AOPEP: variants seen among roughly 807,000 people sequenced by gnomAD.
AOPEP encodes aminopeptidase O (putative), also known as aminopeptidase O.
Under a neutral mutation model 98.1 loss-of-function variants are expected in AOPEP, and 77 were observed. The observed-to-expected ratio is 0.78, with a 90% CI of 0.65 to 0.95. The LOEUF (loss-of-function observed/expected upper bound fraction) is 0.95. Ranked by LOEUF, AOPEP falls within the 40% of genes least tolerant of loss-of-function variation. The pLI is 0.00. For synonymous variants in AOPEP, 346 were observed against 365.3 expected (o/e 0.95, Z 0.60); for missense variants, 1,024 against 1,024.7 (o/e 1.00, Z 0.01).
chr9:94,951,809 T>C (rs2058116036), intron 7 of AOPEP, among the ~76,000 whole-genome samples: 1 of 152,190 alleles, frequency 6.6e-6, no homozygotes, highest in Admixed American at 6.5e-5. Flanking sequence ...TGCCTCATGG[T>C]TGCAAGATGG....
intron 9 of AOPEP, 34 bp from the exon 10 acceptor site, chr9:94,967,724 G>A (rs1268712796): frequency 6.3e-7 from 1 of 1,583,174 alleles, no homozygotes; most frequent in South Asian, 1.1e-5. Flanking sequence ...TTTATTGATG[G>A]ACATCTTTAA....
At chr9:95,010,188 A>G (rs1243636497) in intron 13 of AOPEP, among the ~76,000 whole-genome samples, 1 of 152,206 alleles carries the variant, frequency 6.6e-6, no homozygotes, top group Admixed American at 6.5e-5. Context: ...CAGTACTAAT[A>G]TTATTCAAAA....
intron 14 of AOPEP, among the ~76,000 whole-genome samples, chr9:95,077,375 G>A (rs902837589): frequency 6.6e-6 from 1 of 152,198 alleles, no homozygotes; most frequent in African/African-American, 2.4e-5. Flanking sequence ...ACAACTGCCC[G>A]GGTCCACAGG....
chr9:94,967,673 C>T lies in AOPEP; in HGVS notation c.1873-85C>T, dbSNP rs2059291175. 2.7e-6 allele frequency: 3 copies of T among 1,103,476 alleles called. No homozygotes were observed. The Admixed American group carries it at 5.2e-5, about 19-fold the overall frequency. 68.4% of individuals were successfully genotyped at this position (1,103,476 alleles called of 1,614,324 possible). A position where few individuals can be genotyped will look rare whatever the true frequency, so the allele number is the denominator to read the frequency against. On this transcript the variant is annotated intron_variant, in intron 9 of 16. Transcript: ENST00000375315. ...TCTCAAGCAGGTGAGCTGTCAGTAG[C>T]TGGGAGCACTCAGCCTCTGGCATGG...
rs373154974 is a variant in AOPEP, at chr9:94,759,792, A to G, written c.9A>G (p.Ile3Met). Residue 3 changes from isoleucine (I) to methionine (M), a missense_variant, in exon 2 of 17, where the codon ATA becomes ATG. Around this residue, in one of 3 missense-constraint regions of AOPEP, gnomAD observed 440 missense variants for 433.8 expected, o/e 1.01. Transcript: ENST00000375315. MD[I>M]QLDPARDDLP... ...AAACAATAAACCACATCATGGACAT[A>G]CAGCTGGACCCTGCCAGAGATGACC... 6 of 1,612,754 alleles carry G rather than the reference A, an allele frequency of 3.7e-6. No individual in the cohort carries two copies. In the African/African-American group the frequency reaches 8.0e-5, roughly 22 times the overall value.
chr9:94,800,652 G>A (rs55770541), intron 4 of AOPEP, 105 bp from the exon 5 acceptor site: 2 of 1,197,320 alleles, frequency 1.7e-6, no homozygotes, highest in Non-Finnish European at 2.4e-6. Flanking sequence ...TTGTGAGTCT[G>A]TCTGAACCTC....
chr9:95,017,523 G>T (rs141939145), intron 13 of AOPEP, among the ~76,000 whole-genome samples: 1 of 152,198 alleles, frequency 6.6e-6, no homozygotes, highest in Non-Finnish European at 1.5e-5. Context: ...CTGAAATGTC[G>T]TTATGCAGCG....
intron 3 of AOPEP, among the ~76,000 whole-genome samples, chr9:94,783,332 C>T (rs1324644137): frequency 2.0e-5 from 3 of 152,204 alleles, no homozygotes; most frequent in Admixed American, 2.0e-4. Flanking sequence ...AAAACCGAAG[C>T]CTTGCTGGGT....
At chr9:95,067,788 A>G (rs1267044413) in intron 14 of AOPEP, among the ~76,000 whole-genome samples, 4 of 152,026 alleles carry the variant, frequency 2.6e-5, no homozygotes, top group African/African-American at 9.7e-5. Context: ...CACCACAATC[A>G]CTTGTAGAAC....
chr9:94,957,731 A>G (rs1204618042), intron 9 of AOPEP, among the ~76,000 whole-genome samples: 3 of 152,002 alleles, frequency 2.0e-5, no homozygotes, highest in East Asian at 3.9e-4. Context: ...CCAGCCCTAC[A>G]TAACCACTAA....
At chr9:94,819,779 C>A (rs1310105352) in intron 5 of AOPEP, among the ~76,000 whole-genome samples, 4 of 151,524 alleles carry the variant, frequency 2.6e-5, no homozygotes, top group African/African-American at 9.7e-5. Flanking sequence ...GACTACGTTG[C>A]CTAGGCTAGT....
intron 1 of AOPEP, among the ~76,000 whole-genome samples, chr9:94,731,572 T>C (rs1830550482): frequency 6.6e-6 from 1 of 151,994 alleles, no homozygotes; most frequent in Admixed American, 6.6e-5. Flanking sequence ...AGTTCTTCAG[T>C]ATTCTCTTGA....
At chr9:95,072,166 G>T (rs949341672) in intron 14 of AOPEP, among the ~76,000 whole-genome samples, 1 of 152,228 alleles carries the variant, frequency 6.6e-6, no homozygotes, top group Non-Finnish European at 1.5e-5. Flanking sequence ...GCCTGAGCCT[G>T]TGCAGCCCAT....
At chr9:95,016,775 C>CT (rs113574295) in intron 13 of AOPEP, among the ~76,000 whole-genome samples, 11,340 of 142,264 alleles carry the variant, frequency 0.08, 513 homozygotes, top group South Asian at 0.12. Flanking sequence ...ACCATGTCAG[C>CT]TTTTTTTTTT....
At chr9:94,857,954 C>T (rs908813266) in intron 5 of AOPEP, among the ~76,000 whole-genome samples, 6 of 150,466 alleles carry the variant, frequency 4.0e-5, no homozygotes, top group Non-Finnish European at 5.9e-5. Flanking sequence ...GATCTCACTG[C>T]GTACACTGGC....
the AOPEP span, among the ~76,000 whole-genome samples, chr9:95,104,210 C>T: frequency 2.0e-5 from 3 of 152,210 alleles, no homozygotes; most frequent in African/African-American, 7.2e-5. Context: ...GCCACCGCAG[C>T]GAAGGCTTCT....
intron 13 of AOPEP, among the ~76,000 whole-genome samples, chr9:95,048,086 G>A (rs1178053098): frequency 6.6e-6 from 1 of 151,682 alleles, no homozygotes; most frequent in Non-Finnish European, 1.5e-5. Flanking sequence ...TGTTCTGCAG[G>A]AGGGACCAAA....
At chr9:94,808,432 TAA>T (rs1001492137) in intron 5 of AOPEP, among the ~76,000 whole-genome samples, 3 of 152,184 alleles carry the variant, frequency 2.0e-5, no homozygotes, top group African/African-American at 2.4e-5. Flanking sequence ...TACTTTTTTT[TAA>T]AAAAAATTGA....
chr9:95,125,077 A>T, the AOPEP span: 1 of 1,611,616 alleles, frequency 6.2e-7, no homozygotes, highest in Non-Finnish European at 8.5e-7. Context: ...TATATGTGAT[A>T]TAACAAACCT....
Sources: gnomAD v4.1 joint callset for allele counts (sites outside exome capture counted in the v4.1 genomes callset) on GRCh38, gnomAD v4.1.1 for gene constraint, gnomAD v4.1.1 regional missense constraint, MANE v1.5 for transcripts, NCBI Gene and HGNC (gene_info 2026-07-23, HGNC 2026-07-21) for gene names.